Variants in CANX observed in about 807,000 individuals in gnomAD.
The protein encoded by CANX is epididymis secretory sperm binding protein.
CANX carries 14 observed loss-of-function variants against 75.7 expected under a neutral mutation model. That is an observed-to-expected ratio of 0.19 (90% confidence interval 0.12 to 0.29). The LOEUF (loss-of-function observed/expected upper bound fraction) is 0.29, where lower values mean the gene tolerates loss of function less well. CANX is among the 10% of genes least tolerant of loss of function. CANX has a pLI of 1.00. For synonymous variants in CANX, 227 were observed against 236.9 expected (o/e 0.96, Z 0.38); for missense variants, 567 against 713.2 (o/e 0.79, Z 2.34).
At chr5:179,720,348 G>A in intron 9 of CANX, 56 bp from the exon 10 acceptor site, 4 of 1,470,912 alleles carry the variant, frequency 2.7e-6, no homozygotes, top group Middle Eastern at 3.5e-4. Flanking sequence ...CCAGCCAGCT[G>A]TTCATAGTCC....
chr5:179,694,948 G>T (rs1197017808), upstream of CANX, among the ~76,000 whole-genome samples: 1 of 152,088 alleles, frequency 6.6e-6, no homozygotes, highest in Non-Finnish European at 1.5e-5. Flanking sequence ...AGGATAAATG[G>T]ATCAACAATT....
intron 1 of CANX, among the ~76,000 whole-genome samples, chr5:179,686,484 GTTATT>G (rs1299413633): frequency 6.6e-6 from 1 of 150,936 alleles, no homozygotes; most frequent in Non-Finnish European, 1.5e-5. Flanking sequence ...TTTTCTTGTT[GTTATT>G]TTGAGACACG....
chr5:179,723,683 C>T lies in CANX; in HGVS notation c.1422C>T (p.Ile474=), dbSNP rs769396140. The change falls in exon 12 of 15, where the codon ATC becomes ATT. Residue 474 remains isoleucine, a synonymous_variant. Coordinates refer to ENST00000247461, the MANE Select transcript of CANX (RefSeq NM_001746.4). ...AGCCAGGCGTTGTGGGGCAGATGAT[C>T]GAGGCAGCTGAAGAGCGCCCGTGGC... is the stretch of plus-strand genomic sequence containing the variant. ...AAEPGVVGQM[I]EAAEERPWLW... is the part of the protein sequence containing the mutation. 20 of 1,613,466 alleles carry T rather than the reference C, an allele frequency of 1.2e-5. No individual in the cohort carries two copies. The highest frequency in any genetic ancestry group is 6.7e-5 in the East Asian group (3 of 44,876).
chr5:179,713,361 T>A (rs1191391478), intron 7 of CANX, among the ~76,000 whole-genome samples: 1 of 152,300 alleles, frequency 6.6e-6, no homozygotes, highest in East Asian at 1.9e-4. Context: ...CGTGAGCCAC[T>A]GAGCCCAGCT....
chr5:179,680,203 G>A (rs1346846346), intron 1 of CANX, among the ~76,000 whole-genome samples: 1 of 152,076 alleles, frequency 6.6e-6, no homozygotes, highest in Non-Finnish European at 1.5e-5. Flanking sequence ...GTGGACCAGT[G>A]CACTATGTGA....
chr5:179,679,350 G>GCAGCTA lies in CANX; in HGVS notation c.-4+575_-4+580dup, dbSNP rs139896888. The GCAGCTA allele has an allele frequency of 5.4e-3, 6,277 of 1,170,542 alleles. 222 individuals are homozygous for GCAGCTA. In the African/African-American group the frequency reaches 0.079, roughly 15 times the overall value. 72.5% of individuals were successfully genotyped at this position (1,170,542 alleles called of 1,614,324 possible). A position where few individuals can be genotyped will look rare whatever the true frequency, so the allele number is the denominator to read the frequency against. Reference sequence around the variant, plus strand: ...AGGCCGGCGGACATGTCTTAGCCCTGCAGCTACGGCTGCGGCTGTGTCTCA... The same window carrying GCAGCTA: ...AGGCCGGCGGACATGTCTTAGCCCTGCAGCTACAGCTACGGCTGCGGCTGTGTCTCA... On this transcript the variant is annotated intron_variant, in intron 1 of 14. Coordinates refer to the CANX transcript ENST00000681674.
intron 1 of CANX, among the ~76,000 whole-genome samples, chr5:179,682,592 C>T (rs918276481): frequency 6.6e-6 from 1 of 151,644 alleles, no homozygotes; most frequent in Admixed American, 6.6e-5. Flanking sequence ...TGCCTGTAAT[C>T]CTAGCTACTT....
At chr5:179,691,058 C>G (rs930475177) in intron 1 of CANX, among the ~76,000 whole-genome samples, 1 of 151,978 alleles carries the variant, frequency 6.6e-6, no homozygotes, top group African/African-American at 2.4e-5. Context: ...ACTGTGCTCA[C>G]TCTGTTGCCC....
rs72809771 is a variant in CANX at position 179,722,799 on chromosome 5, T to C, written c.1183-5T>C. The stretch of plus-strand genomic sequence containing the variant: ...AATGATTTTCTGAAACATTTTTTTT[T>C]CTAGGGAATCTGGAAACCCAGGAAA... On this transcript the variant is annotated splice_region_variant and splice_polypyrimidine_tract_variant and intron_variant, in intron 10 of 14. Transcript: ENST00000247461. 50,962 of 1,587,012 alleles carry C rather than the reference T, an allele frequency of 0.032. 1,022 individuals are homozygous for C. The highest frequency in any genetic ancestry group is 0.037 in the Non-Finnish European group (43,283 of 1,159,346).
intron 12 of CANX, 33 bp downstream of exon 12, chr5:179,723,812 G>A: frequency 6.4e-7 from 1 of 1,561,822 alleles, no homozygotes; most frequent in Non-Finnish European, 8.7e-7. Context: ...ATCAATTTTA[G>A]AGACATCACT....
chr5:179,690,717 C>T (rs945100389), intron 1 of CANX, among the ~76,000 whole-genome samples: 15 of 151,352 alleles, frequency 9.9e-5, no homozygotes, highest in African/African-American at 2.7e-4. Flanking sequence ...TGGTGGAAGC[C>T]GTCTCTACTA....
chr5:179,707,583 CA>C (rs1200030925), intron 4 of CANX, among the ~76,000 whole-genome samples: 862 of 57,308 alleles, frequency 0.015, 16 homozygotes, highest in Admixed American at 0.13. Context: ...GACTCCGTCT[CA>C]AAAAAAAAAA....
chr5:179,724,851 C>G, intron 13 of CANX, 68 bp downstream of exon 13: 1 of 1,525,718 alleles, frequency 6.6e-7, no homozygotes, highest in Non-Finnish European at 8.8e-7. Context: ...CCTTTACAGT[C>G]AAGTTAAGGA....
upstream of CANX, chr5:179,694,866 G>A (rs1776364786): frequency 5.1e-6 from 2 of 394,148 alleles, no homozygotes; most frequent in African/African-American, 4.1e-5. Flanking sequence ...GCAAAAGGTA[G>A]GCATGAGCAA....
chr5:179,729,350 G>A lies in CANX; in HGVS notation c.*706G>A, dbSNP rs1778866635. The A allele has an allele frequency of 6.5e-6, 1 of 153,378 alleles. No individual in the cohort carries two copies. Among genetic ancestry groups the A allele is most frequent in the East Asian group, 1.9e-4 (1 of 5,224 alleles). 9.5% of individuals were successfully genotyped at this position (153,378 alleles called of 1,614,324 possible). A position where few individuals can be genotyped will look rare whatever the true frequency, so the allele number is the denominator to read the frequency against. ...AGCTCAGTTCCCAGACAGCTTTTTA[G>A]GTAGTGGAGGAGGTGGCTTCATGTG... is the stretch of plus-strand genomic sequence containing the variant. On this transcript the variant is annotated 3_prime_UTR_variant, in exon 15 of 15. Transcript: ENST00000247461.
chr5:179,678,840 A>C (rs370083020), intron 1 of CANX: 23 of 1,536,706 alleles, frequency 1.5e-5, no homozygotes, highest in Non-Finnish European at 2.0e-5. Flanking sequence ...TTCCAGCCCC[A>C]GGCGGTCCGC....
upstream of CANX, chr5:179,698,515 G>T: frequency 7.8e-7 from 1 of 1,289,400 alleles, no homozygotes; most frequent in Non-Finnish European, 1.0e-6. Context: ...GCCGATCGTC[G>T]GACTCCTACC....
intron 1 of CANX, among the ~76,000 whole-genome samples, chr5:179,688,421 T>G (rs1581818896): frequency 7.0e-6 from 1 of 143,848 alleles, no homozygotes; most frequent in African/African-American, 2.6e-5. Flanking sequence ...TGGAGCGCAG[T>G]GGCACAATCT....
intron 7 of CANX, among the ~76,000 whole-genome samples, chr5:179,715,395 A>G (rs1490145685): frequency 2.6e-5 from 4 of 152,158 alleles, no homozygotes; most frequent in Non-Finnish European, 5.9e-5. Context: ...TTAGCTGGGC[A>G]TGGTGGCACG....
Sources: gnomAD v4.1 joint callset for allele counts (sites outside exome capture counted in the v4.1 genomes callset) on GRCh38, gnomAD v4.1.1 for gene constraint, MANE v1.5 for transcripts, NCBI Gene and HGNC (gene_info 2026-07-23, HGNC 2026-07-21) for gene names.